Variants in KALRN observed in about 807,000 individuals in gnomAD.
KALRN encodes kalirin.
In KALRN, 70 loss-of-function variants were observed where a neutral mutation model predicts 353.7. The ratio of observed to expected loss-of-function variants is 0.20; its 90% CI spans 0.16 to 0.24. The LOEUF (loss-of-function observed/expected upper bound fraction) is 0.24. KALRN is among the 10% of genes least tolerant of loss of function. The probability of loss-of-function intolerance (pLI) is 1.00; values close to 1 mark genes in which losing one functional copy is unlikely to be tolerated. For missense variants in KALRN, 2,791 were observed against 3,756.7 expected, an observed-to-expected ratio of 0.74 and a Z score of 6.72; for synonymous variants, 1,391 against 1,434.8, an observed-to-expected ratio of 0.97 and a Z score of 0.69.
At chr3:124,298,748 C>G in intron 5 of KALRN, 43 bp from the exon 6 acceptor site, 1 of 1,612,918 alleles carries the variant, frequency 6.2e-7, no homozygotes, top group Non-Finnish European at 8.5e-7. Context: ...CCTATTCGAC[C>G]CATGACCATT....
intron 51 of KALRN, among the ~76,000 whole-genome samples, 166 bp from the exon 52 acceptor site, chr3:124,693,638 A>G (rs2061925828): frequency 6.6e-6 from 1 of 152,172 alleles, no homozygotes; most frequent in African/African-American, 2.4e-5. Context: ...TGCTAAAGAG[A>G]GGTTTTACTA....
chr3:124,705,788 A>G (rs575640120), intron 57 of KALRN, among the ~76,000 whole-genome samples: 7 of 150,894 alleles, frequency 4.6e-5, no homozygotes, highest in African/African-American at 1.5e-4. Flanking sequence ...TCATCCAAGA[A>G]AAGACTGGTC....
At chr3:124,348,247 C>G (rs1196946593) in intron 10 of KALRN, among the ~76,000 whole-genome samples, 2 of 152,182 alleles carry the variant, frequency 1.3e-5, no homozygotes, top group Non-Finnish European at 2.9e-5. Flanking sequence ...ACTGCTTTAG[C>G]CAGAGCTGAC....
At position 124,722,065 on chromosome 3, in the gene KALRN, A is replaced by G. The variant is rs779862713; in HGVS notation, c.*2595A>G. The G allele has an allele frequency of 7.9e-5, 12 of 152,326 alleles. No homozygotes were observed. The highest frequency in any genetic ancestry group is 1.3e-4 in the Non-Finnish European group (9 of 68,160). 9.4% of individuals were successfully genotyped at this position (152,326 alleles called of 1,614,324 possible). On this transcript the variant is annotated 3_prime_UTR_variant, in exon 60 of 60. Coordinates refer to ENST00000682506, the MANE Select transcript of KALRN (RefSeq NM_001388419.1). ...CAGCTTGGCAAGTTCTGTTCTGTCC[A>G]CTGTGGATGACCTGAATCAAGATCC...
intron 3 of KALRN, among the ~76,000 whole-genome samples, chr3:124,239,736 T>C (rs2080216176): frequency 6.6e-6 from 1 of 152,070 alleles, no homozygotes; most frequent in Admixed American, 6.6e-5. Context: ...AGAAGAGGGG[T>C]AAAAACTGCA....
chr3:124,576,462 T>G (rs1312877516), intron 34 of KALRN, among the ~76,000 whole-genome samples: 1 of 152,084 alleles, frequency 6.6e-6, no homozygotes, highest in African/African-American at 2.4e-5. Flanking sequence ...GGCTTAAGCT[T>G]TAGCAGGAGG....
chr3:124,381,208 T>A (rs2087321826), intron 10 of KALRN, among the ~76,000 whole-genome samples: 1 of 152,076 alleles, frequency 6.6e-6, no homozygotes, highest in African/African-American at 2.4e-5. Flanking sequence ...AAAGAATGAA[T>A]AAGAGTTGGT....
chr3:124,598,657 G>GTTGTTTT (rs56162346), intron 34 of KALRN, among the ~76,000 whole-genome samples: 23,410 of 151,846 alleles, frequency 0.15, 1,905 homozygotes, highest in Middle Eastern at 0.19. Context: ...TTGTGTTGTT[G>GTTGTTTT]TTGTTTGTTT....
chr3:124,211,486 G>T (rs565804598), intron 1 of KALRN, among the ~76,000 whole-genome samples: 3 of 152,224 alleles, frequency 2.0e-5, no homozygotes, highest in African/African-American at 7.2e-5. Flanking sequence ...TGTTCATTGG[G>T]GATCTTATTA....
At chr3:124,495,983 A>ATATG (rs2063741043) in intron 32 of KALRN, among the ~76,000 whole-genome samples, 1 of 46,210 alleles carries the variant, frequency 2.2e-5, no homozygotes, top group African/African-American at 1.4e-4. Flanking sequence ...ATATATATAT[A>ATATG]TATATATATA....
intron 3 of KALRN, among the ~76,000 whole-genome samples, chr3:124,244,218 A>G (rs1048902499): frequency 2.0e-5 from 3 of 152,128 alleles, no homozygotes; most frequent in Non-Finnish European, 1.5e-5. Context: ...ATATTAACAT[A>G]TTTCCTTCCT....
intron 1 of KALRN, among the ~76,000 whole-genome samples, chr3:124,057,779 G>A (rs966934309): frequency 1.3e-5 from 2 of 152,088 alleles, no homozygotes; most frequent in Non-Finnish European, 2.9e-5. Context: ...TCAAGGACCC[G>A]CTGTCCTTTC....
chr3:124,433,316 T>C (rs77212219), intron 16 of KALRN, among the ~76,000 whole-genome samples: 12,180 of 150,930 alleles, frequency 0.081, 611 homozygotes, highest in East Asian at 0.19. Flanking sequence ...TCTGGTCAGA[T>C]GTGGTGGTTC....
intron 1 of KALRN, among the ~76,000 whole-genome samples, chr3:124,083,535 A>G (rs2060649227): frequency 6.6e-6 from 1 of 152,054 alleles, no homozygotes; most frequent in African/African-American, 2.4e-5. Flanking sequence ...TCATAAACAC[A>G]TATATAATGC....
At chr3:124,188,334 C>G (rs2074479131) in intron 1 of KALRN, among the ~76,000 whole-genome samples, 1 of 152,092 alleles carries the variant, frequency 6.6e-6, no homozygotes, top group South Asian at 2.1e-4. Context: ...GTGAACATTC[C>G]AGACAGCAAG....
rs1452696470 is a variant in KALRN, at chr3:124,469,022, G to A, written c.4032-5641G>A. On this transcript the variant is annotated intron_variant, in intron 25 of 59. Transcript: ENST00000682506. ...TTTTGTTTTACACACTAACTTCTTA[G>A]CATCCATGCCTGGTTGCTAAACACC... Among the ~76,000 whole-genome samples, 4 of 152,356 alleles carry A rather than the reference G, an allele frequency of 2.6e-5. 1 individual carries two copies. The Middle Eastern group carries it at 0.01, about 389-fold the overall frequency.
chr3:124,640,332 G>A (rs1474581569), intron 37 of KALRN, among the ~76,000 whole-genome samples: 1 of 148,704 alleles, frequency 6.7e-6, no homozygotes, highest in Non-Finnish European at 1.5e-5. Context: ...TGTCGCCCAG[G>A]CTGGAGTGCA....
intron 38 of KALRN, among the ~76,000 whole-genome samples, chr3:124,651,982 G>T (rs1469868175): frequency 6.6e-6 from 1 of 152,146 alleles, no homozygotes; most frequent in Non-Finnish European, 1.5e-5. Context: ...GTTGGAAGCA[G>T]AGCTACTGAT....
intron 1 of KALRN, among the ~76,000 whole-genome samples, chr3:124,114,325 TC>T (rs954275925): frequency 2.6e-5 from 4 of 152,198 alleles, no homozygotes; most frequent in Non-Finnish European, 4.4e-5. Flanking sequence ...CAGGGGTTCT[TC>T]TTTAGCCAAT....
Sources: allele counts gnomAD v4.1 joint callset (sites outside exome capture counted in the v4.1 genomes callset), GRCh38; gene constraint gnomAD v4.1.1; transcripts MANE v1.5; gene names NCBI Gene and HGNC (gene_info 2026-07-23, HGNC 2026-07-21).